Variants in FMNL2 observed in about 807,000 individuals in gnomAD.
The protein encoded by FMNL2 is formin-like protein 2.
A neutral mutation model predicts 130.2 loss-of-function variants in FMNL2; 51 were observed. The observed-to-expected ratio is 0.39, with a 90% CI of 0.31 to 0.49. The LOEUF is 0.49. Ranked by LOEUF, FMNL2 falls within the 20% of genes least tolerant of loss-of-function variation. The pLI, the probability that FMNL2 is intolerant of heterozygous loss-of-function variation, is 0.85. For missense variants in FMNL2, 977 were observed against 1,316.2 expected (o/e 0.74, Z 3.99); for synonymous variants, 465 against 467.1 (o/e 1.00, Z 0.06).
intron 1 of FMNL2, among the ~76,000 whole-genome samples, chr2:152,392,319 C>T (rs990490992): frequency 6.6e-6 from 1 of 152,132 alleles, no homozygotes; most frequent in African/African-American, 2.4e-5. Context: ...TCTCTCCCCC[C>T]CACTCATCAC....
intron 1 of FMNL2, among the ~76,000 whole-genome samples, chr2:152,338,621 GA>G (rs1391301653): frequency 6.6e-6 from 1 of 151,976 alleles, no homozygotes; most frequent in East Asian, 1.9e-4. Context: ...CTTTTTAATA[GA>G]AAAAAATGGA....
intron 9 of FMNL2, among the ~76,000 whole-genome samples, chr2:152,590,976 ATAACTTTTTTTTTTTT>A (rs1697399725): frequency 9.8e-6 from 1 of 102,258 alleles, no homozygotes; most frequent in African/African-American, 3.3e-5. Context: ...TTTCCCTCTG[ATAACTTTTTTTTTTTT>A]TTTTTTTTTT....
intron 6 of FMNL2, among the ~76,000 whole-genome samples, chr2:152,562,233 T>C (rs1695572329): frequency 6.6e-6 from 1 of 152,210 alleles, no homozygotes; most frequent in Non-Finnish European, 1.5e-5. Context: ...GCTTATTCTT[T>C]CCTTTCATTT....
chr2:152,561,104 A>G, intron 6 of FMNL2, 69 bp downstream of exon 6: 2 of 1,473,634 alleles, frequency 1.4e-6, no homozygotes, highest in Non-Finnish European at 9.1e-7. Context: ...ACTTCTTTTG[A>G]TGATTCTGGG....
At chr2:152,569,898 C>A (rs1245936250) in intron 6 of FMNL2, among the ~76,000 whole-genome samples, 2 of 151,488 alleles carry the variant, frequency 1.3e-5, no homozygotes, top group Non-Finnish European at 2.9e-5. Flanking sequence ...GTAATCTCAG[C>A]TACTTGGGAG....
chr2:152,529,025 C>G (rs545553156), intron 2 of FMNL2, among the ~76,000 whole-genome samples: 23 of 152,330 alleles, frequency 1.5e-4, no homozygotes, highest in African/African-American at 5.5e-4. Flanking sequence ...GAAACGGAGA[C>G]TAGCTGAGCA....
intron 4 of FMNL2, among the ~76,000 whole-genome samples, chr2:152,554,529 G>GT (rs548371462): frequency 1.0e-3 from 158 of 152,286 alleles, no homozygotes; most frequent in African/African-American, 2.8e-3. Context: ...GTAAAATCAT[G>GT]TTTCTCCACT....
At chr2:152,569,878 G>A (rs1055308059) in intron 6 of FMNL2, among the ~76,000 whole-genome samples, 3 of 151,654 alleles carry the variant, frequency 2.0e-5, no homozygotes, top group Non-Finnish European at 2.9e-5. Flanking sequence ...TGGCATGGTG[G>A]CACATGCCTG....
chr2:152,551,517 C>T (rs943500205), intron 4 of FMNL2, among the ~76,000 whole-genome samples: 1 of 152,170 alleles, frequency 6.6e-6, no homozygotes, highest in Non-Finnish European at 1.5e-5. Flanking sequence ...AGATTGTGAC[C>T]ATCTTGCCTG....
chr2:152,474,885 A>G (rs1690062910), intron 1 of FMNL2, among the ~76,000 whole-genome samples: 1 of 152,186 alleles, frequency 6.6e-6, no homozygotes, highest in Non-Finnish European at 1.5e-5. Context: ...GTTTAAAGGC[A>G]TAATGTTGTC....
chr2:152,606,372 A>C (rs1698355148), intron 9 of FMNL2, among the ~76,000 whole-genome samples: 1 of 152,236 alleles, frequency 6.6e-6, no homozygotes, highest in African/African-American at 2.4e-5. Context: ...TGCCCCAAAA[A>C]AGTCAACCAA....
chr2:152,555,210 C>T (rs919818419), intron 4 of FMNL2, among the ~76,000 whole-genome samples: 33 of 152,148 alleles, frequency 2.2e-4, no homozygotes, highest in African/African-American at 6.8e-4. Context: ...CCTTCACAGG[C>T]GCCCTGAGAG....
chr2:152,442,747 A>T (rs1688119360), intron 1 of FMNL2, among the ~76,000 whole-genome samples: 1 of 152,186 alleles, frequency 6.6e-6, no homozygotes, highest in African/African-American at 2.4e-5. Context: ...CAAACCACTG[A>T]AGGCTTTCCA....
chr2:152,645,650 A>G (rs1483260433), intron 25 of FMNL2: 4 of 461,116 alleles, frequency 8.7e-6, no homozygotes, highest in African/African-American at 4.1e-5. Context: ...TCACATTCCA[A>G]TGATGCAGGG....
intron 2 of FMNL2, among the ~76,000 whole-genome samples, chr2:152,541,307 C>T (rs1261054111): frequency 1.3e-5 from 2 of 152,142 alleles, no homozygotes; most frequent in African/African-American, 2.4e-5. Flanking sequence ...CAGGCATGTG[C>T]CACCACACCC....
chr2:152,456,629 T>A lies in FMNL2; in HGVS notation c.118-65314T>A, dbSNP rs143473500. Among the ~76,000 whole-genome samples the A allele has an allele frequency of 3.7e-4, 56 of 152,230 alleles. 1 individual carries two copies. The highest frequency in any genetic ancestry group is 1.3e-3 in the African/African-American group (52 of 41,538). On this transcript the variant is annotated intron_variant, in intron 1 of 25. Coordinates refer to ENST00000288670, the MANE Select transcript of FMNL2 (RefSeq NM_052905.4). ...CAGTTTACTCTTCTTTGTTACAATATGGAGAGAAGTGGTGTATTTTGAAAA... is the reference window on the plus strand; with the variant it reads ...CAGTTTACTCTTCTTTGTTACAATAAGGAGAGAAGTGGTGTATTTTGAAAA...
At chr2:152,386,418 A>G (rs775038932) in intron 1 of FMNL2, among the ~76,000 whole-genome samples, 1 of 152,218 alleles carries the variant, frequency 6.6e-6, no homozygotes, top group Non-Finnish European at 1.5e-5. Flanking sequence ...CTCCCTGAGA[A>G]TGTTTTACCA....
intron 1 of FMNL2, among the ~76,000 whole-genome samples, chr2:152,397,573 CT>C (rs1685467551): frequency 6.6e-6 from 1 of 152,112 alleles, no homozygotes; most frequent in South Asian, 2.1e-4. Context: ...AGGGAGTTTC[CT>C]GGCTAAGACA....
chr2:152,642,136 T>C (rs1466881630), intron 25 of FMNL2, among the ~76,000 whole-genome samples: 1 of 152,118 alleles, frequency 6.6e-6, no homozygotes, highest in Non-Finnish European at 1.5e-5. Context: ...GAGATGGGGT[T>C]TCACCGTGTT....
Sources: gnomAD v4.1 joint callset for allele counts (sites outside exome capture counted in the v4.1 genomes callset) on GRCh38, gnomAD v4.1.1 for gene constraint, MANE v1.5 for transcripts, NCBI Gene and HGNC (gene_info 2026-07-23, HGNC 2026-07-21) for gene names.